LRIG1: variants seen among roughly 807,000 people sequenced by gnomAD.
The protein encoded by LRIG1 is leucine rich repeats and immunoglobulin like domains 1.
Under a neutral mutation model 99.2 loss-of-function variants are expected in LRIG1, and 48 were observed. The observed-to-expected ratio is 0.48, with a 90% CI of 0.38 to 0.62. The LOEUF is 0.62. LRIG1 is among the 20% of genes least tolerant of loss of function. The pLI is 0.00. For synonymous variants in LRIG1, 772 were observed against 596.1 expected (o/e 1.29, Z -4.30); for missense variants, 1,646 against 1,434.4 (o/e 1.15, Z -2.38).
At position 66,383,419 on chromosome 3, in the gene LRIG1, A is replaced by C; in HGVS notation, c.2072-18T>G. The C allele has an allele frequency of 6.6e-7, 1 of 1,524,886 alleles. No homozygotes were observed. The highest frequency in any genetic ancestry group is 8.8e-7 in the Non-Finnish European group (1 of 1,133,190). The allele number at this position is 1,524,886 out of a possible 1,614,324, so 94.5% of individuals were successfully genotyped here. A position where few individuals can be genotyped will look rare whatever the true frequency, so the allele number is the denominator to read the frequency against. ...TGGGGTCTCTACAAGAGAGCAACAG[A>C]GATCTTAGTCATTCTCAGGGCCTCC... is the stretch of plus-strand genomic sequence containing the variant. On this transcript the variant is annotated intron_variant, in intron 14 of 18. Transcript: ENST00000273261.
intron 3 of LRIG1, among the ~76,000 whole-genome samples, chr3:66,433,749 G>A (rs1357284638): frequency 6.6e-6 from 1 of 152,200 alleles, no homozygotes; most frequent in African/African-American, 2.4e-5. Context: ...CTTTAACGCA[G>A]CCCTTCCTCA....
intron 12 of LRIG1, among the ~76,000 whole-genome samples, chr3:66,389,361 C>T (rs1413333868): frequency 3.3e-5 from 5 of 151,974 alleles, no homozygotes; most frequent in Non-Finnish European, 7.4e-5. Flanking sequence ...GCAAACTCTA[C>T]CTTATTAGTA....
chr3:66,463,583 T>A (rs1337422447), intron 1 of LRIG1, among the ~76,000 whole-genome samples: 1 of 152,212 alleles, frequency 6.6e-6, no homozygotes. Context: ...AAAGATGTGA[T>A]CCAAATGGGC....
chr3:66,453,662 G>A (rs112558376), intron 2 of LRIG1, among the ~76,000 whole-genome samples: 2 of 152,242 alleles, frequency 1.3e-5, no homozygotes, highest in African/African-American at 4.8e-5. Flanking sequence ...CTCATCTAGG[G>A]TCATGCTACT....
chr3:66,389,820 T>C (rs1236964029), intron 12 of LRIG1, among the ~76,000 whole-genome samples: 1 of 152,180 alleles, frequency 6.6e-6, no homozygotes, highest in Non-Finnish European at 1.5e-5. Context: ...AAAAAGTTCA[T>C]GGAAAACCGA....
At chr3:66,427,091 C>A (rs1451509726) in intron 3 of LRIG1, among the ~76,000 whole-genome samples, 1 of 152,146 alleles carries the variant, frequency 6.6e-6, no homozygotes, top group Admixed American at 6.5e-5. Context: ...AATCTAACAC[C>A]CCCGGCCCCC....
intron 3 of LRIG1, among the ~76,000 whole-genome samples, chr3:66,448,000 A>G (rs1703782875): frequency 6.6e-6 from 1 of 152,222 alleles, no homozygotes; most frequent in Non-Finnish European, 1.5e-5. Context: ...TAGCTCCCTC[A>G]CCGGAACCCA....
At position 66,500,439 on chromosome 3, in the gene LRIG1, C is replaced by A. The variant is rs940300132; in HGVS notation, c.-32G>T. The A allele has an allele frequency of 9.9e-6, 13 of 1,317,322 alleles. No homozygotes were observed. The African/African-American group carries it at 1.7e-4, about 17-fold the overall frequency. The allele number at this position is 1,317,322 out of a possible 1,614,324, so 81.6% of individuals were successfully genotyped here. ...TGGAGCGCGCTGCGAACTCCGGGCG[C>A]GGGGACTGTGAGGACCCGAACGGCC... On this transcript the variant is annotated 5_prime_UTR_variant, in exon 1 of 19. Coordinates refer to ENST00000273261, the MANE Select transcript of LRIG1 (RefSeq NM_015541.3).
At chr3:66,453,973 CAG>C (rs1703989141) in intron 2 of LRIG1, among the ~76,000 whole-genome samples, 1 of 152,186 alleles carries the variant, frequency 6.6e-6, no homozygotes, top group African/African-American at 2.4e-5. Flanking sequence ...CAAATTGTGA[CAG>C]AACTGCTGGA....
At chr3:66,432,807 C>A (rs1222650790) in intron 3 of LRIG1, among the ~76,000 whole-genome samples, 1 of 152,176 alleles carries the variant, frequency 6.6e-6, no homozygotes, top group Non-Finnish European at 1.5e-5. Context: ...CCACCAGGGA[C>A]AGGGATAACC....
chr3:66,459,253 C>T (rs996868126), intron 2 of LRIG1, among the ~76,000 whole-genome samples: 8 of 152,140 alleles, frequency 5.3e-5, no homozygotes, highest in South Asian at 2.1e-4. Context: ...CTGCAGGTCA[C>T]GGGAGCCAAA....
chr3:66,386,105 C>T lies in LRIG1; in HGVS notation c.1665G>A (p.Val555=), dbSNP rs1282958636. Residue 555 remains valine (V), a synonymous_variant, in exon 13 of 19, where the codon GTG becomes GTA. Transcript: ENST00000273261. ...GGTGCAGGATGGTGGTGTACTCCAT[C>T]ACTTCCCCGTCCTGCGCGTGGACGT... is the stretch of plus-strand genomic sequence containing the variant. The part of the protein sequence containing the change: ...FVHVHAQDGE[V]MEYTTILHLR... The T allele has an allele frequency of 2.5e-6, 4 of 1,614,202 alleles. No individual in the cohort carries two copies. The highest frequency in any genetic ancestry group is 3.4e-6 in the Non-Finnish European group (4 of 1,180,044).
chr3:66,383,133 G>C lies in LRIG1; in HGVS notation c.2340C>G (p.Val780=), dbSNP rs2107926003. ...GTERAHSQLS[V]LPAAGCRKDG... ...CCTTCCTGCAGCCTGCTGCGGGCAG[G>C]ACGCTCAGCTGGCTGTGAGCTCGCT... Residue 780 remains valine, a synonymous_variant, in exon 15 of 19, where the codon GTC becomes GTG. Transcript: ENST00000273261. 1 of 1,614,242 alleles carries C rather than the reference G, an allele frequency of 6.2e-7. No individual in the cohort carries two copies. Among genetic ancestry groups the C allele is most frequent in the Non-Finnish European group, 8.5e-7 (1 of 1,180,046 alleles).
intron 3 of LRIG1, among the ~76,000 whole-genome samples, chr3:66,442,241 G>A (rs1012967612): frequency 6.6e-6 from 1 of 152,148 alleles, no homozygotes; most frequent in Admixed American, 6.5e-5. Context: ...GAAAGGCCCG[G>A]CATAAACACA....
chr3:66,479,667 C>A (rs577106680), intron 1 of LRIG1, among the ~76,000 whole-genome samples: 3 of 152,324 alleles, frequency 2.0e-5, no homozygotes, highest in Non-Finnish European at 4.4e-5. Context: ...AAGATATACA[C>A]ATGGTCAATA....
At chr3:66,405,039 C>T (rs184906262) in intron 9 of LRIG1, among the ~76,000 whole-genome samples, 159 bp downstream of exon 9, 57 of 152,328 alleles carry the variant, frequency 3.7e-4, no homozygotes, top group Non-Finnish European at 6.2e-4. Context: ...CTTCTTCAAA[C>T]TCTTCTCCAC....
At position 66,418,088 on chromosome 3, in the gene LRIG1, GTTTTGT is replaced by G. The variant is rs1163828827; in HGVS notation, c.366-828_366-823del. 4.6e-3 allele frequency among the ~76,000 whole-genome samples: 687 copies of G among 149,764 alleles called. 6 individuals are homozygous for G. The highest frequency in any genetic ancestry group is 0.014 in the African/African-American group (577 of 40,692). On this transcript the variant is annotated intron_variant, in intron 3 of 18. Coordinates refer to ENST00000273261, the MANE Select transcript of LRIG1 (RefSeq NM_015541.3). ...CCACTGTAACTTGTGTTTTTTTTTT[GTTTTGT>G]TTTTGTTTTTGTTTTTGAGACAGAG...
chr3:66,385,766 T>A (rs888550169), intron 13 of LRIG1, among the ~76,000 whole-genome samples: 4 of 152,202 alleles, frequency 2.6e-5, no homozygotes, highest in Non-Finnish European at 4.4e-5. Context: ...ACTAGATTTT[T>A]AAAACTCACC....
At chr3:66,482,650 A>AC (rs1225364137) in intron 1 of LRIG1, among the ~76,000 whole-genome samples, 1 of 152,194 alleles carries the variant, frequency 6.6e-6, no homozygotes, top group Non-Finnish European at 1.5e-5. Flanking sequence ...GAATTGGGTA[A>AC]CTCATCCTAA....
Sources: gnomAD v4.1 joint callset for allele counts (sites outside exome capture counted in the v4.1 genomes callset) on GRCh38, gnomAD v4.1.1 for gene constraint, MANE v1.5 for transcripts, NCBI Gene and HGNC (gene_info 2026-07-23, HGNC 2026-07-21) for gene names.